Variants in PARD3 observed in about 807,000 individuals in gnomAD.
PARD3 encodes the protein par-3 family cell polarity regulator.
A neutral mutation model predicts 155.4 loss-of-function variants in PARD3; 75 were observed. The observed-to-expected ratio is 0.48, with a 90% CI of 0.40 to 0.58. The LOEUF is 0.58. PARD3 is among the 20% of genes least tolerant of loss of function. The probability of loss-of-function intolerance (pLI) is 0.00; values close to 1 mark genes in which losing one functional copy is unlikely to be tolerated. For missense variants in PARD3, 1,642 were observed against 1,721.7 expected (o/e 0.95, Z 0.82); for synonymous variants, 576 against 610.5 (o/e 0.94, Z 0.83).
At chr10:34,699,467 TG>T (rs1305920002) in intron 1 of PARD3, among the ~76,000 whole-genome samples, 1 of 152,258 alleles carries the variant, frequency 6.6e-6, no homozygotes, top group African/African-American at 2.4e-5. Flanking sequence ...AAATTTTAAC[TG>T]GCAGCTTTCA....
chr10:34,472,527 A>C (rs1262537489), intron 3 of PARD3, among the ~76,000 whole-genome samples: 1 of 152,208 alleles, frequency 6.6e-6, no homozygotes, highest in Non-Finnish European at 1.5e-5. Flanking sequence ...GAAAACTCTA[A>C]AAACTTTTAG....
At chr10:34,756,400 G>A (rs1013436665) in intron 1 of PARD3, among the ~76,000 whole-genome samples, 9 of 139,758 alleles carry the variant, frequency 6.4e-5, no homozygotes, top group South Asian at 2.4e-4. Flanking sequence ...TGATCTGCCC[G>A]CCTCGGCCTC....
intron 2 of PARD3, among the ~76,000 whole-genome samples, chr10:34,595,419 A>T (rs1039307105): frequency 6.6e-6 from 1 of 152,216 alleles, no homozygotes; most frequent in African/African-American, 2.4e-5. Flanking sequence ...TTAAAACTAG[A>T]ACTTAAGTCT....
rs540578990 is a variant in PARD3 at position 34,758,410 on chromosome 10, G to A, written c.120+56466C>T. On this transcript the variant is annotated intron_variant, in intron 1 of 24. Transcript: ENST00000374788. ...AATAACACAGCTAGAAAGTGGCAGA[G>A]CATTATTCCAAAGTCTTTCCACTCC... Among the ~76,000 whole-genome samples, 33 of 152,290 alleles carry A rather than the reference G, an allele frequency of 2.2e-4. No individual in the cohort carries two copies. In the South Asian group the frequency reaches 5.6e-3, roughly 26 times the overall value.
intron 22 of PARD3, among the ~76,000 whole-genome samples, chr10:34,228,409 G>A (rs186655380): frequency 3.3e-5 from 5 of 151,682 alleles, no homozygotes; most frequent in Admixed American, 3.3e-4. Context: ...CATAAAAGCT[G>A]GAAGAAAAAT....
intron 1 of PARD3, among the ~76,000 whole-genome samples, chr10:34,719,996 C>A (rs1157375638): frequency 5.3e-5 from 8 of 152,262 alleles, no homozygotes; most frequent in African/African-American, 1.7e-4. Flanking sequence ...CCTGCAAAAA[C>A]TTGTCTTTAT....
intron 1 of PARD3, among the ~76,000 whole-genome samples, chr10:34,812,312 CT>C (rs1364672937): frequency 6.6e-6 from 1 of 152,174 alleles, no homozygotes; most frequent in African/African-American, 2.4e-5. Flanking sequence ...TCTGCCCACA[CT>C]TTTCCCCACC....
Position 34,341,796 on chromosome 10 carries a change from T to C in PARD3, c.2239A>G (p.Thr747Ala), listed in dbSNP as rs544869821. Residue 747 changes from threonine to alanine, a missense_variant, in exon 16 of 25, where the codon ACA becomes GCA. By Grantham distance (58) the Thr-to-Ala change is moderately conservative. Coordinates refer to ENST00000374788, the MANE Select transcript of PARD3 (RefSeq NM_001184785.2). ...GTGTCATCTTGGGGCATATTCACTG[T>C]AGGGGACAGCTGGTATTTACCTGTC... ...RIMGKYQLSP[T>A]VNMPQDDTVI... 1.9e-6 allele frequency: 3 copies of C among 1,610,786 alleles called. No homozygotes were observed. Among genetic ancestry groups the C allele is most frequent in the South Asian group, 2.2e-5 (2 of 90,678 alleles).
chr10:34,421,941 T>C (rs1306917155), intron 5 of PARD3, among the ~76,000 whole-genome samples: 2 of 151,946 alleles, frequency 1.3e-5, no homozygotes, highest in African/African-American at 2.4e-5. Context: ...AAGGTCTCAG[T>C]GAGGAGGTGA....
intron 1 of PARD3, among the ~76,000 whole-genome samples, chr10:34,778,068 G>A (rs1248092886): frequency 6.6e-6 from 1 of 152,176 alleles, no homozygotes; most frequent in Non-Finnish European, 1.5e-5. Flanking sequence ...GATCCCTGTG[G>A]ATACCAAAAT....
chr10:34,172,497 T>C (rs770484076), intron 22 of PARD3, among the ~76,000 whole-genome samples: 3 of 152,130 alleles, frequency 2.0e-5, no homozygotes, highest in Non-Finnish European at 2.9e-5. Flanking sequence ...ATTTCTTCCA[T>C]GTAATGTGCA....
intron 22 of PARD3, among the ~76,000 whole-genome samples, chr10:34,164,055 C>T (rs544551626): frequency 2.1e-4 from 32 of 152,244 alleles, no homozygotes; most frequent in African/African-American, 7.2e-4. Flanking sequence ...TAAACCACCA[C>T]GCTCATAGGT....
chr10:34,395,767 G>A lies in PARD3; in HGVS notation c.890+3563C>T, dbSNP rs1843263879. On this transcript the variant is annotated intron_variant, in intron 7 of 24. Transcript: ENST00000374788. ...CAGGAGAATGGCGTGAACCCGGGAAGCGGAGCTTGCAGTGAGCCGAGATTG... is the reference window on the plus strand; with the variant it reads ...CAGGAGAATGGCGTGAACCCGGGAAACGGAGCTTGCAGTGAGCCGAGATTG... Among the ~76,000 whole-genome samples, 3 of 34,670 alleles carry A rather than the reference G, an allele frequency of 8.7e-5. 1 individual carries two copies. Among genetic ancestry groups the A allele is most frequent in the Admixed American group, 8.2e-4 (3 of 3,678 alleles). 22.7% of individuals were successfully genotyped at this position (34,670 alleles called of 152,430 possible).
chr10:34,720,723 G>A (rs1347934686), intron 1 of PARD3, among the ~76,000 whole-genome samples: 2 of 152,136 alleles, frequency 1.3e-5, no homozygotes, highest in Non-Finnish European at 2.9e-5. Context: ...CTTGAACTAG[G>A]GAGGCGGAGG....
intron 20 of PARD3, among the ~76,000 whole-genome samples, chr10:34,309,699 T>C (rs1957600839): frequency 6.6e-6 from 1 of 151,474 alleles, no homozygotes; most frequent in Non-Finnish European, 1.5e-5. Flanking sequence ...AGCTTGGCCT[T>C]GGCTTACAGC....
intron 3 of PARD3, among the ~76,000 whole-genome samples, chr10:34,478,566 G>A (rs546992828): frequency 1.3e-3 from 201 of 152,248 alleles, no homozygotes; most frequent in African/African-American, 4.0e-3. Context: ...CTTTCGAGAC[G>A]GAGTTTCACT....
At chr10:34,629,861 T>C (rs927586888) in intron 2 of PARD3, among the ~76,000 whole-genome samples, 1 of 152,224 alleles carries the variant, frequency 6.6e-6, no homozygotes. Context: ...TGTTAATTTA[T>C]TCAATAAGCA....
rs901753017 is a variant in PARD3, at chr10:34,351,703, G to A, written c.2068-3588C>T. Among the ~76,000 whole-genome samples the A allele has an allele frequency of 7.2e-5, 11 of 152,308 alleles. No homozygotes were observed. The South Asian group carries it at 1.2e-3, about 17-fold the overall frequency. ...GAATTTCTCCGATTACATCAGATTCGAAAGCCCATGCTTTTATTGTACACT... is the reference window on the plus strand; with the variant it reads ...GAATTTCTCCGATTACATCAGATTCAAAAGCCCATGCTTTTATTGTACACT... On this transcript the variant is annotated intron_variant, in intron 14 of 24. Transcript: ENST00000374788.
At chr10:34,334,428 G>T (rs1374728921) in intron 18 of PARD3, among the ~76,000 whole-genome samples, 2 of 151,018 alleles carry the variant, frequency 1.3e-5, no homozygotes, top group South Asian at 2.1e-4. Context: ...ATTATGAAAG[G>T]CTTATGGCTA....
Sources: gnomAD v4.1 joint callset for allele counts (sites outside exome capture counted in the v4.1 genomes callset) on GRCh38, gnomAD v4.1.1 for gene constraint, MANE v1.5 for transcripts, NCBI Gene and HGNC (gene_info 2026-07-23, HGNC 2026-07-21) for gene names.